DDAH1: variants seen among roughly 807,000 people sequenced by gnomAD.
DDAH1 encodes dimethylarginine dimethylaminohydrolase 1.
Under a neutral mutation model 28.8 loss-of-function variants are expected in DDAH1, and 19 were observed. The observed-to-expected ratio is 0.66, with a 90% CI of 0.46 to 0.97. The LOEUF (loss-of-function observed/expected upper bound fraction) is 0.97. DDAH1 is among the 50% of genes least tolerant of loss of function. The pLI is 0.00. For synonymous variants in DDAH1, 153 were observed against 154.4 expected (o/e 0.99, Z 0.07); for missense variants, 326 against 375.9 (o/e 0.87, Z 1.10).
intron 1 of DDAH1, among the ~76,000 whole-genome samples, chr1:85,387,270 GCT>G (rs1651321173): frequency 6.6e-6 from 1 of 152,076 alleles, no homozygotes; most frequent in Non-Finnish European, 1.5e-5. Flanking sequence ...AAAATTTTCT[GCT>G]CTGTTTCCCT....
intron 1 of DDAH1, among the ~76,000 whole-genome samples, chr1:85,373,678 T>C (rs1365380359): frequency 6.6e-6 from 1 of 152,148 alleles, no homozygotes; most frequent in East Asian, 1.9e-4. Context: ...CCTGTATAAA[T>C]TACCCAGTCT....
chr1:85,458,523 G>A (rs954096964), intron 1 of DDAH1, among the ~76,000 whole-genome samples: 1 of 149,930 alleles, frequency 6.7e-6, no homozygotes, highest in African/African-American at 2.5e-5. Context: ...CCACCTCCTG[G>A]GTTCAAGTGA....
At chr1:85,573,803 G>A (rs1478089936) in intron 1 of DDAH1, among the ~76,000 whole-genome samples, 1 of 152,172 alleles carries the variant, frequency 6.6e-6, no homozygotes, top group Non-Finnish European at 1.5e-5. Context: ...ACAACCAAGA[G>A]GTAAGTAGCA....
intron 4 of DDAH1, among the ~76,000 whole-genome samples, chr1:85,334,208 T>C (rs1167242147): frequency 6.6e-6 from 1 of 152,218 alleles, no homozygotes; most frequent in Non-Finnish European, 1.5e-5. Context: ...TCCTGCTGCC[T>C]TGTGAAGAAG....
chr1:85,451,574 C>T (rs1352288207), intron 1 of DDAH1, among the ~76,000 whole-genome samples: 1 of 152,116 alleles, frequency 6.6e-6, no homozygotes, highest in African/African-American at 2.4e-5. Context: ...CCCTGCCAGT[C>T]CTCAGGGCAC....
chr1:85,472,148 A>C (rs1327722714), intron 2 of DDAH1, among the ~76,000 whole-genome samples: 1 of 152,244 alleles, frequency 6.6e-6, no homozygotes, highest in Non-Finnish European at 1.5e-5. Flanking sequence ...CAGGCCATAA[A>C]GAAATTATCT....
chr1:85,358,926 AAATC>A, intron 1 of DDAH1, 79 bp from the exon 2 acceptor site: 2 of 1,066,180 alleles, frequency 1.9e-6, no homozygotes, highest in Admixed American at 2.0e-5. Flanking sequence ...TCTAAACACT[AAATC>A]AAGCTCTCGT....
At chr1:85,505,788 A>T (rs1656993334) in intron 1 of DDAH1, among the ~76,000 whole-genome samples, 1 of 152,234 alleles carries the variant, frequency 6.6e-6, no homozygotes, top group African/African-American at 2.4e-5. Flanking sequence ...CTGACTTCCT[A>T]CAATAGACAA....
At chr1:85,419,570 A>G (rs558621315) in intron 1 of DDAH1, among the ~76,000 whole-genome samples, 83 of 135,980 alleles carry the variant, frequency 6.1e-4, no homozygotes, top group Non-Finnish European at 1.1e-3. Flanking sequence ...AGTCTGGGTA[A>G]CATATTTTAA....
At chr1:85,498,325 C>T (rs954604821) in intron 1 of DDAH1, among the ~76,000 whole-genome samples, 3 of 152,172 alleles carry the variant, frequency 2.0e-5, no homozygotes, top group African/African-American at 7.2e-5. Context: ...GGAAGTTTTC[C>T]AGAATGGCTC....
chr1:85,513,073 A>G (rs573736022), intron 1 of DDAH1, among the ~76,000 whole-genome samples: 1 of 152,344 alleles, frequency 6.6e-6, no homozygotes, highest in South Asian at 2.1e-4. Context: ...ACAAAGCTGG[A>G]GGCATCACGC....
chr1:85,334,014 C>G (rs925980448), intron 4 of DDAH1, among the ~76,000 whole-genome samples: 16 of 152,132 alleles, frequency 1.1e-4, no homozygotes, highest in African/African-American at 3.9e-4. Context: ...TCTTTATGTC[C>G]CCACCCAATT....
At chr1:85,340,160 G>C (rs1472439422) in intron 4 of DDAH1, among the ~76,000 whole-genome samples, 2 of 152,168 alleles carry the variant, frequency 1.3e-5, no homozygotes, top group Non-Finnish European at 2.9e-5. Context: ...TTCCACTGCT[G>C]CCAATGGAAA....
At chr1:85,466,937 A>G (rs1331185095), upstream of DDAH1, among the ~76,000 whole-genome samples, 1 of 132,118 alleles carries the variant, frequency 7.6e-6, no homozygotes, top group Non-Finnish European at 1.5e-5. Context: ...ACCGGGGTTC[A>G]AGTGATTCTC....
At chr1:85,569,982 C>T (rs1659406230) in intron 1 of DDAH1, among the ~76,000 whole-genome samples, 1 of 152,202 alleles carries the variant, frequency 6.6e-6, no homozygotes, top group South Asian at 2.1e-4. Flanking sequence ...CCTCCCCTCC[C>T]AAAGGCTCTC....
At position 85,492,187 on chromosome 1, in the gene DDAH1, C is replaced by T. The variant is rs187836349; in HGVS notation, c.-7+3979G>A. ...TCTGAGTCTGTGTTCTTTTGAATGTCCTATGATGTCCTACTTATTCAAAAA... is the reference window on the plus strand; with the variant it reads ...TCTGAGTCTGTGTTCTTTTGAATGTTCTATGATGTCCTACTTATTCAAAAA... On this transcript the variant is annotated intron_variant, in intron 2 of 6. Coordinates refer to the DDAH1 transcript ENST00000426972. Among the ~76,000 whole-genome samples the T allele has an allele frequency of 8.3e-4, 127 of 152,178 alleles. 1 individual carries two copies. Among genetic ancestry groups the T allele is most frequent in the Admixed American group, 2.6e-3 (40 of 15,282 alleles).
chr1:85,532,163 T>C (rs1658113938), intron 1 of DDAH1, among the ~76,000 whole-genome samples: 3 of 151,940 alleles, frequency 2.0e-5, no homozygotes, highest in Non-Finnish European at 4.4e-5. Context: ...CCATAGTCTG[T>C]TTTCTGCCTG....
At chr1:85,324,409 G>A (rs1647239412) in intron 5 of DDAH1, among the ~76,000 whole-genome samples, 1 of 152,080 alleles carries the variant, frequency 6.6e-6, no homozygotes, top group African/African-American at 2.4e-5. Flanking sequence ...AGGTCTTTAT[G>A]CTTAATGAGT....
At chr1:85,516,581 C>G (rs1208140279) in intron 1 of DDAH1, among the ~76,000 whole-genome samples, 1 of 150,378 alleles carries the variant, frequency 6.6e-6, no homozygotes, top group Non-Finnish European at 1.5e-5. Context: ...TAGCCCTATG[C>G]CAATGGCCTC....
Sources: allele counts gnomAD v4.1 joint callset (sites outside exome capture counted in the v4.1 genomes callset), GRCh38; gene constraint gnomAD v4.1.1; transcripts MANE v1.5; gene names NCBI Gene and HGNC (gene_info 2026-07-23, HGNC 2026-07-21).